The following MYO16 variants were observed in gnomAD, a reference collection of about 807,000 sequenced individuals.
The protein encoded by MYO16 is unconventional myosin-XVI.
MYO16 carries 94 observed loss-of-function variants against 205.3 expected under a neutral mutation model. The observed-to-expected ratio is 0.46, with a 90% CI of 0.39 to 0.54. MYO16 has a LOEUF of 0.54. MYO16 is among the 20% of genes least tolerant of loss of function. MYO16 has a pLI of 0.00. For synonymous variants in MYO16, 988 were observed against 954.0 expected, an observed-to-expected ratio of 1.04 and a Z score of -0.66; for missense variants, 2,315 against 2,387.5, an observed-to-expected ratio of 0.97 and a Z score of 0.63.
At chr13:108,923,872 A>AT (rs1307162676) in intron 16 of MYO16, among the ~76,000 whole-genome samples, 2 of 152,096 alleles carry the variant, frequency 1.3e-5, no homozygotes, top group East Asian at 1.9e-4. Flanking sequence ...TTAGATCAGC[A>AT]TTTTTTCCCA....
chr13:109,089,340 A>G (rs1005506525), intron 27 of MYO16, among the ~76,000 whole-genome samples: 1 of 151,848 alleles, frequency 6.6e-6, no homozygotes, highest in Non-Finnish European at 1.5e-5. Context: ...CAGCCTCCTG[A>G]GTAGCTGGAA....
the MYO16 span, among the ~76,000 whole-genome samples, chr13:108,497,783 C>A: frequency 6.6e-6 from 1 of 152,162 alleles, no homozygotes; most frequent in East Asian, 1.9e-4. Flanking sequence ...AGATACAAGC[C>A]CCACCTGCTG....
intron 4 of MYO16, among the ~76,000 whole-genome samples, chr13:108,771,119 T>A (rs549830465): frequency 3.2e-4 from 48 of 152,270 alleles, no homozygotes; most frequent in African/African-American, 1.1e-3. Flanking sequence ...CAGAGGACTG[T>A]CCTCTCAGTG....
intron 28 of MYO16, among the ~76,000 whole-genome samples, chr13:109,110,951 C>T (rs975778385): frequency 8.6e-5 from 13 of 151,928 alleles, no homozygotes; most frequent in Admixed American, 6.6e-4. Context: ...ATTTGATTTA[C>T]GAATGGATAC....
At chr13:108,957,364 CAA>C (rs1432541052) in intron 16 of MYO16, among the ~76,000 whole-genome samples, 2 of 95,722 alleles carry the variant, frequency 2.1e-5, no homozygotes, top group Non-Finnish European at 3.8e-5. Flanking sequence ...GCCTGGATGA[CAA>C]GAGTGAAACT....
At chr13:108,714,158 C>T (rs915647951) in intron 3 of MYO16, among the ~76,000 whole-genome samples, 2 of 152,142 alleles carry the variant, frequency 1.3e-5, no homozygotes, top group Admixed American at 6.5e-5. Context: ...CTGGTTCACG[C>T]CATTCTCCTG....
rs1283781187 is a variant in MYO16 at position 108,844,374 on chromosome 13, G to A, written c.1129G>A (p.Asp377Asn). 3.1e-6 allele frequency: 5 copies of A among 1,613,090 alleles called. No homozygotes were observed. In the African/African-American group the frequency reaches 6.7e-5, roughly 22 times the overall value. The change falls in exon 10 of 35, where the codon GAC becomes AAC. Residue 377 changes from aspartate (D) to asparagine (N), a missense_variant. This residue lies in a region of MYO16 where 1,213 missense variants were observed against 1,274.4 expected (regional missense o/e 0.95). Transcript: ENST00000457511. The part of the protein sequence containing the change: ...SPLVLPIAKQ[D>N]SLLEKDIMFK... The stretch of plus-strand genomic sequence containing the variant: ...CCTGGTGTTACCAATTGCCAAGCAA[G>A]ACAGTTTGTTGGAAAAAGACATTAT...
chr13:109,023,797 AT>A (rs952718243), intron 23 of MYO16, among the ~76,000 whole-genome samples: 1 of 135,192 alleles, frequency 7.4e-6, no homozygotes, highest in African/African-American at 2.7e-5. Context: ...CATATTCTAC[AT>A]TTATATACAT....
chr13:108,817,187 A>G (rs75437422), intron 7 of MYO16, among the ~76,000 whole-genome samples: 3,034 of 152,314 alleles, frequency 0.02, 94 homozygotes, highest in African/African-American at 0.067. Flanking sequence ...ATTCTATTTT[A>G]GAATGTTCAA....
At chr13:108,709,087 G>A (rs9559388) in intron 2 of MYO16, among the ~76,000 whole-genome samples, 28,607 of 150,568 alleles carry the variant, frequency 0.19, 2,832 homozygotes, top group South Asian at 0.28. Flanking sequence ...CCTTCCAAGC[G>A]GCAACACTAT....
chr13:108,500,647 A>G, the MYO16 span, among the ~76,000 whole-genome samples: 13 of 152,032 alleles, frequency 8.6e-5, no homozygotes, highest in Non-Finnish European at 1.5e-4. Flanking sequence ...TATGACTGAG[A>G]TGAGTCTTCT....
At chr13:108,567,585 TAATGA>T in the MYO16 span, among the ~76,000 whole-genome samples, 2 of 152,190 alleles carry the variant, frequency 1.3e-5, no homozygotes, top group Non-Finnish European at 2.9e-5. Context: ...TTGCTTTGTG[TAATGA>T]AATGAAGAGA....
chr13:108,822,827 A>G (rs1016677265), intron 8 of MYO16, among the ~76,000 whole-genome samples: 1 of 152,130 alleles, frequency 6.6e-6, no homozygotes, highest in Non-Finnish European at 1.5e-5. Context: ...ATGAAATGAC[A>G]TTAAGTTTGC....
At chr13:109,188,227 T>C (rs568368797) in intron 34 of MYO16, among the ~76,000 whole-genome samples, 226 of 152,336 alleles carry the variant, frequency 1.5e-3, no homozygotes, top group African/African-American at 5.1e-3. Flanking sequence ...TTTATCAAGA[T>C]ATAATTCACA....
chr13:108,858,047 G>T (rs1325421119), intron 11 of MYO16, among the ~76,000 whole-genome samples: 2 of 152,154 alleles, frequency 1.3e-5, no homozygotes, highest in Non-Finnish European at 2.9e-5. Context: ...CCTCTAATGG[G>T]TAGACAAGCA....
At chr13:108,669,228 C>T (rs895181855) in intron 2 of MYO16, among the ~76,000 whole-genome samples, 1 of 152,044 alleles carries the variant, frequency 6.6e-6, no homozygotes, top group African/African-American at 2.4e-5. Context: ...AGGGAGGGTG[C>T]TTTCTTGGGA....
chr13:109,002,721 G>T (rs1301896273), intron 21 of MYO16, among the ~76,000 whole-genome samples: 1 of 152,140 alleles, frequency 6.6e-6, no homozygotes, highest in African/African-American at 2.4e-5. Context: ...GCAGATTTAT[G>T]CTTCTAGGTA....
At chr13:109,205,466 G>A (rs998523625) in intron 34 of MYO16, among the ~76,000 whole-genome samples, 3 of 152,184 alleles carry the variant, frequency 2.0e-5, no homozygotes, top group African/African-American at 7.2e-5. Flanking sequence ...TTAATGGAGA[G>A]GGTTGTGATG....
intron 14 of MYO16, 68 bp downstream of exon 14, chr13:108,888,545 G>C (rs1316197427): frequency 2.7e-6 from 3 of 1,112,654 alleles, no homozygotes; most frequent in Admixed American, 4.5e-5. Context: ...TTTACAAATA[G>C]GGGAGGGGAC....
Sources: allele counts gnomAD v4.1 joint callset (sites outside exome capture counted in the v4.1 genomes callset), GRCh38; gene constraint gnomAD v4.1.1; regional missense constraint gnomAD v4.1.1; transcripts MANE v1.5; gene names NCBI Gene and HGNC (gene_info 2026-07-23, HGNC 2026-07-21).